The following AGFG2 variants were observed in gnomAD, a reference collection of about 807,000 sequenced individuals.
AGFG2 encodes the protein arf-GAP domain and FG repeat-containing protein 2.
Under a neutral mutation model 48.0 loss-of-function variants are expected in AGFG2, and 31 were observed. The ratio of observed to expected loss-of-function variants is 0.65; its 90% CI spans 0.49 to 0.87. The LOEUF is 0.87. Ranked by LOEUF, AGFG2 falls within the 40% of genes least tolerant of loss-of-function variation. AGFG2 has a pLI of 0.00. For synonymous variants in AGFG2, 229 were observed against 260.8 expected (o/e 0.88, Z 1.18); for missense variants, 599 against 632.6 (o/e 0.95, Z 0.57).
At chr7:100,556,568 C>G in intron 6 of AGFG2, 4 of 1,288,496 alleles carry the variant, frequency 3.1e-6, no homozygotes, top group Non-Finnish European at 4.0e-6. Context: ...TCTACCCACC[C>G]TTCTCTTCTC....
At chr7:100,563,383 G>A (rs1800923653) in intron 9 of AGFG2, among the ~76,000 whole-genome samples, 1 of 152,222 alleles carries the variant, frequency 6.6e-6, no homozygotes. Flanking sequence ...TCAGACTCAT[G>A]CTGGCTGAAG....
At chr7:100,541,041 T>C (rs1418828940) in intron 1 of AGFG2, among the ~76,000 whole-genome samples, 3 of 148,276 alleles carry the variant, frequency 2.0e-5, no homozygotes, top group Non-Finnish European at 4.5e-5. Flanking sequence ...AAGCTTTCCC[T>C]GTCTTGATAC....
chr7:100,543,117 G>A (rs1490427536), intron 1 of AGFG2, among the ~76,000 whole-genome samples: 2 of 152,074 alleles, frequency 1.3e-5, no homozygotes, highest in East Asian at 3.9e-4. Context: ...AGGCTGGAGT[G>A]CAGTGGTCCG....
chr7:100,551,485 G>C (rs1292563202), intron 3 of AGFG2, among the ~76,000 whole-genome samples: 1 of 151,738 alleles, frequency 6.6e-6, no homozygotes, highest in African/African-American at 2.4e-5. Flanking sequence ...GATTACAGGC[G>C]TGAGCCACCG....
At chr7:100,547,440 G>C (rs1458110896) in intron 1 of AGFG2, among the ~76,000 whole-genome samples, 3 of 151,506 alleles carry the variant, frequency 2.0e-5, no homozygotes, top group African/African-American at 7.3e-5. Flanking sequence ...AAAGTCTGAA[G>C]AGGCCTCATC....
rs1035392417 is a variant in AGFG2 at position 100,565,217 on chromosome 7, C to T, written c.*226C>T. Reference sequence around the variant, plus strand: ...CCAGGCAGGAAGCCCAGGAGGAGTGCGGGCAGGGCCTGACCTGGAGGAGTG... The same window carrying T: ...CCAGGCAGGAAGCCCAGGAGGAGTGTGGGCAGGGCCTGACCTGGAGGAGTG... On this transcript the variant is annotated 3_prime_UTR_variant, in exon 12 of 12. Transcript: ENST00000300176. The T allele has an allele frequency of 2.3e-5, 14 of 599,868 alleles. No homozygotes were observed. Among genetic ancestry groups the T allele is most frequent in the Non-Finnish European group, 4.1e-5 (14 of 337,634 alleles). 37.2% of individuals were successfully genotyped at this position (599,868 alleles called of 1,614,324 possible). A position where few individuals can be genotyped will look rare whatever the true frequency, so the allele number is the denominator to read the frequency against.
chr7:100,564,055 A>C (rs1800942691), intron 10 of AGFG2, 93 bp downstream of exon 10: 3 of 1,572,336 alleles, frequency 1.9e-6, no homozygotes, highest in Non-Finnish European at 2.6e-6. Flanking sequence ...GAGCCCATGC[A>C]GTGCCCTTTC....
In AGFG2 at chr7:100,562,903, G is replaced by C. The variant is rs373487166; in HGVS notation, c.1128G>C (p.Pro376=). The change falls in exon 9 of 12, where the codon CCG becomes CCC. Residue 376 remains proline (P), a synonymous_variant. Transcript: ENST00000300176. The surrounding 1 kb of genome is among the most constrained non-coding windows in gnomAD (Gnocchi z 5.4). The part of the protein sequence containing the change: ...NPFTAPAAQS[P]LPSTNPFQPN... Reference sequence around the variant, plus strand: ...TCACAGCTCCCGCCGCCCAGTCCCCGCTGCCTTCCACCAACCCGTTCCAGC... The same window carrying C: ...TCACAGCTCCCGCCGCCCAGTCCCCCCTGCCTTCCACCAACCCGTTCCAGC... 6.2e-7 allele frequency: 1 copy of C among 1,613,914 alleles called. No homozygotes were observed. Among genetic ancestry groups the C allele is most frequent in the African/African-American group, 1.3e-5 (1 of 74,886 alleles).
chr7:100,558,441 G>A (rs1269969725), intron 6 of AGFG2, among the ~76,000 whole-genome samples: 5 of 152,062 alleles, frequency 3.3e-5, no homozygotes, highest in African/African-American at 1.2e-4. Context: ...GGGAGCACTC[G>A]AGGAAACAGC....
rs756748781 is a variant in AGFG2, at chr7:100,553,466, C to T, written c.551C>T (p.Pro184Leu). Reference sequence around the variant, plus strand: ...CGGACACTTCTGGGTGATCCTGCACCGTCTCTCTCAGTTGCTGCCTCCACC... The same window carrying T: ...CGGACACTTCTGGGTGATCCTGCACTGTCTCTCTCAGTTGCTGCCTCCACC... ...PLRTLLGDPA[P>L]SLSVAASTSS... The change falls in exon 4 of 12, where the codon CCG becomes CTG. Residue 184 changes from proline (P) to leucine (L), a missense_variant. Coordinates refer to ENST00000300176, the MANE Select transcript of AGFG2 (RefSeq NM_006076.5). The T allele has an allele frequency of 1.0e-5, 16 of 1,607,014 alleles. No homozygotes were observed. The highest frequency in any genetic ancestry group is 1.1e-5 in the South Asian group (1 of 90,720).
intron 6 of AGFG2, among the ~76,000 whole-genome samples, chr7:100,560,939 G>A (rs546778576): frequency 6.7e-6 from 1 of 150,170 alleles, no homozygotes; most frequent in Admixed American, 6.7e-5. Context: ...AGCCTCCTGA[G>A]TAGTTGGAAC....
At chr7:100,551,189 C>T (rs534958443) in intron 3 of AGFG2, among the ~76,000 whole-genome samples, 36 of 149,354 alleles carry the variant, frequency 2.4e-4, no homozygotes, top group Non-Finnish European at 3.9e-4. Flanking sequence ...CCTGTCTCAG[C>T]CTCCCGAGTA....
Position 100,539,417 on chromosome 7 carries a change from C to T in AGFG2, c.71C>T (p.Ala24Val), listed in dbSNP as rs1254659074. ...AGCGGGGGCAAGGCGGAGGCGGAGG[C>T]GGCCTCGGAGGTGTGGTGCCGTCGG... is the stretch of plus-strand genomic sequence containing the variant. ...GVSGGKAEAE[A>V]ASEVWCRRVR... The change falls in exon 1 of 12, where the codon GCG becomes GTG. Residue 24 changes from alanine (A) to valine (V), a missense_variant. By Grantham distance (64) the Ala-to-Val change is moderately conservative. Coordinates refer to ENST00000300176, the MANE Select transcript of AGFG2 (RefSeq NM_006076.5). The T allele has an allele frequency of 1.5e-6, 2 of 1,314,266 alleles. No homozygotes were observed. The highest frequency in any genetic ancestry group is 2.1e-5 in the South Asian group (1 of 47,524). 81.4% of individuals were successfully genotyped at this position (1,314,266 alleles called of 1,614,324 possible). A position where few individuals can be genotyped will look rare whatever the true frequency, so the allele number is the denominator to read the frequency against.
At chr7:100,547,406 A>AT (rs35296477) in intron 1 of AGFG2, among the ~76,000 whole-genome samples, 12,336 of 143,802 alleles carry the variant, frequency 0.086, 558 homozygotes, top group African/African-American at 0.13. Flanking sequence ...CGATTTGGCC[A>AT]TTTTTTTTTT....
intron 6 of AGFG2, among the ~76,000 whole-genome samples, chr7:100,557,191 CTT>C (rs1283822917): frequency 6.8e-6 from 1 of 146,428 alleles, no homozygotes; most frequent in African/African-American, 2.5e-5. Flanking sequence ...GAGTAAGACT[CTT>C]GTCTCAAAAA....
At chr7:100,549,165 A>T (rs1800573845) in intron 2 of AGFG2, among the ~76,000 whole-genome samples, 2 of 152,166 alleles carry the variant, frequency 1.3e-5, no homozygotes, top group African/African-American at 4.8e-5. Context: ...CACCTGAGCA[A>T]TGGAGGGGTA....
In AGFG2 at chr7:100,568,057, C is replaced by T. The variant is rs1801053715; in HGVS notation, c.*3066C>T. On this transcript the variant is annotated 3_prime_UTR_variant, in exon 12 of 12. Transcript: ENST00000300176. ...GCCCTCAGATCCCTGCTCTTCCTGCCTTTCCTGCCCATGTGTCACCCAGCA... is the reference window on the plus strand; with the variant it reads ...GCCCTCAGATCCCTGCTCTTCCTGCTTTTCCTGCCCATGTGTCACCCAGCA... 6.5e-6 allele frequency: 1 copy of T among 152,778 alleles called. No homozygotes were observed. The highest frequency in any genetic ancestry group is 2.4e-5 in the African/African-American group (1 of 41,470). 9.5% of individuals were successfully genotyped at this position (152,778 alleles called of 1,614,324 possible). A position where few individuals can be genotyped will look rare whatever the true frequency, so the allele number is the denominator to read the frequency against.
chr7:100,549,675 G>GTTTA (rs762684092), intron 2 of AGFG2, among the ~76,000 whole-genome samples: 6,593 of 151,590 alleles, frequency 0.043, 169 homozygotes, highest in African/African-American at 0.067. Flanking sequence ...CTCAATATTT[G>GTTTA]TTTATTTATT....
At chr7:100,552,749 C>G (rs1021937265) in intron 3 of AGFG2, among the ~76,000 whole-genome samples, 1 of 152,174 alleles carries the variant, frequency 6.6e-6, no homozygotes, top group African/African-American at 2.4e-5. Context: ...CCGGCAGGAG[C>G]TGGCAGGATG....
Sources: gnomAD v4.1 joint callset for allele counts (sites outside exome capture counted in the v4.1 genomes callset) on GRCh38, gnomAD v4.1.1 for gene constraint, Gnocchi (gnomAD v3.1) non-coding constraint, MANE v1.5 for transcripts, NCBI Gene and HGNC (gene_info 2026-07-23, HGNC 2026-07-21) for gene names.